The following LITAF variants were observed in gnomAD, a reference collection of about 807,000 sequenced individuals.
LITAF encodes lipopolysaccharide-induced tumor necrosis factor-alpha factor.
A neutral mutation model predicts 14.5 loss-of-function variants in LITAF; 9 were observed. The observed-to-expected ratio is 0.62, with a 90% CI of 0.37 to 1.08. LITAF has a LOEUF of 1.08. Ranked by LOEUF, LITAF falls within the 50% of genes least tolerant of loss-of-function variation. LITAF has a pLI of 0.01. For synonymous variants in LITAF, 98 were observed against 88.2 expected (o/e 1.11, Z -0.62); for missense variants, 206 against 213.4 (o/e 0.97, Z 0.22).
Position 11,573,377 on chromosome 16 carries a change from C to T in LITAF, c.-6+13509G>A, listed in dbSNP as rs190154785. 8.5e-5 allele frequency among the ~76,000 whole-genome samples: 13 copies of T among 152,274 alleles called. No homozygotes were observed. The East Asian group carries it at 9.6e-4, about 11-fold the overall frequency. On this transcript the variant is annotated intron_variant, in intron 1 of 3. Transcript: ENST00000622633. ...TAAACTGAGGCTCCTGCAACAGAAACGGCCAACCAAATTTAACATGAACAA... is the reference window on the plus strand; with the variant it reads ...TAAACTGAGGCTCCTGCAACAGAAATGGCCAACCAAATTTAACATGAACAA...
In LITAF at chr16:11,603,982, G is replaced by A. The variant is rs567843103; in HGVS notation, c.85+29551C>T. On this transcript the variant is annotated intron_variant, in intron 3 of 3. Coordinates refer to the LITAF transcript ENST00000574848. ...GAATGGCATGAACCTGGGAGGCGGA[G>A]CTTTCAGTGAGCCAAGATCACGCCA... Among the ~76,000 whole-genome samples the A allele has an allele frequency of 2.6e-5, 4 of 152,206 alleles. No individual in the cohort carries two copies. The South Asian group carries it at 8.3e-4, about 32-fold the overall frequency.
chr16:11,622,135 T>G (rs2065054566), intron 3 of LITAF, among the ~76,000 whole-genome samples: 1 of 152,168 alleles, frequency 6.6e-6, no homozygotes, highest in South Asian at 2.1e-4. Context: ...AGAGTGTGTT[T>G]GGGGGACCCG....
upstream of LITAF, chr16:11,598,527 G>C (rs879488851): frequency 6.6e-6 from 1 of 152,280 alleles, no homozygotes; most frequent in Non-Finnish European, 1.5e-5. Flanking sequence ...GCGCAGGTAG[G>C]GAGTCGTGCC....
intron 3 of LITAF, among the ~76,000 whole-genome samples, chr16:11,613,171 C>G (rs1338121996): frequency 8.5e-5 from 13 of 152,136 alleles, no homozygotes; most frequent in Non-Finnish European, 1.3e-4. Flanking sequence ...TCCCGAGTAG[C>G]TGGGACTACA....
chr16:11,637,900 ATATATATATATATC>A (rs1387835105), upstream of LITAF, among the ~76,000 whole-genome samples: 1,089 of 59,004 alleles, frequency 0.018, 402 homozygotes, highest in African/African-American at 0.15. Flanking sequence ...AAAAAAAACT[ATATATATATATATC>A]TATATCTATA....
chr16:11,601,732 G>A (rs1035895416), upstream of LITAF, among the ~76,000 whole-genome samples: 1 of 152,060 alleles, frequency 6.6e-6, no homozygotes, highest in Admixed American at 6.6e-5. Context: ...GCTAATTTTT[G>A]CATTTTTTGT....
chr16:11,620,454 C>G (rs2141892859), intron 3 of LITAF, among the ~76,000 whole-genome samples: 1 of 152,250 alleles, frequency 6.6e-6, no homozygotes, highest in African/African-American at 2.4e-5. Flanking sequence ...TGAGGCCTCC[C>G]CAGAAGCTGA....
At chr16:11,631,609 C>T (rs190352480) in intron 3 of LITAF, among the ~76,000 whole-genome samples, 56 of 152,310 alleles carry the variant, frequency 3.7e-4, no homozygotes, top group Non-Finnish European at 6.3e-4. Flanking sequence ...AGTCTGGTCG[C>T]GAATTCCTGG....
At chr16:11,639,680 GA>G (rs1367561264), upstream of LITAF, among the ~76,000 whole-genome samples, 6 of 144,578 alleles carry the variant, frequency 4.2e-5, no homozygotes, top group East Asian at 8.1e-4. Context: ...TCTGGGCAAA[GA>G]AAAAAGATTC....
Position 11,553,744 on chromosome 16 carries a change from A to G in LITAF, c.221-55T>C. On this transcript the variant is annotated intron_variant, in intron 2 of 3. Coordinates refer to ENST00000622633, the MANE Select transcript of LITAF (RefSeq NM_001136472.2). This position sits in a 1 kb window ranked among gnomAD's most constrained non-coding sequence, Gnocchi z 7.7. ...TTGCTCAGGAAACAAGGCCAATAGC[A>G]TTCACTACAGGACAAAGAGAGGAAC... is the stretch of plus-strand genomic sequence containing the variant. 1.3e-6 allele frequency: 2 copies of G among 1,594,756 alleles called. No individual in the cohort carries two copies. Among genetic ancestry groups the G allele is most frequent in the Non-Finnish European group, 1.7e-6 (2 of 1,163,528 alleles).
intron 1 of LITAF, among the ~76,000 whole-genome samples, chr16:11,582,960 C>T (rs1160237328): frequency 1.3e-5 from 2 of 152,142 alleles, no homozygotes; most frequent in Non-Finnish European, 2.9e-5. Context: ...GGAATTTAAC[C>T]TGTCTATCAT....
chr16:11,593,340 G>C (rs58928207), intron 1 of LITAF, among the ~76,000 whole-genome samples: 1 of 129,646 alleles, frequency 7.7e-6, no homozygotes, highest in South Asian at 2.5e-4. Context: ...TGGGAGACAA[G>C]CGAAACTCTG....
upstream of LITAF, among the ~76,000 whole-genome samples, chr16:11,589,588 G>A (rs1408202511): frequency 6.6e-6 from 1 of 150,820 alleles, no homozygotes; most frequent in Non-Finnish European, 1.5e-5. Context: ...CAAAGTTGTG[G>A]GATTTAAGAT....
At chr16:11,577,003 C>T (rs112974005) in intron 1 of LITAF, among the ~76,000 whole-genome samples, 5 of 152,186 alleles carry the variant, frequency 3.3e-5, no homozygotes, top group South Asian at 2.1e-4. Flanking sequence ...GCCTGTCAAG[C>T]GCTTTTCATG....
chr16:11,587,422 C>G (rs1377805057), upstream of LITAF: 1 of 453,930 alleles, frequency 2.2e-6, no homozygotes, highest in Non-Finnish European at 4.4e-6. Flanking sequence ...CGCGTCCGGA[C>G]AGACCAAGAC....
chr16:11,604,306 A>T (rs1247058654), intron 3 of LITAF, among the ~76,000 whole-genome samples: 7 of 152,214 alleles, frequency 4.6e-5, no homozygotes. Flanking sequence ...GAAATTCCTG[A>T]GAGCTGACCT....
rs2064127716 is a variant in LITAF, at chr16:11,547,803, T to C, written c.*1834A>G. The stretch of plus-strand genomic sequence containing the variant: ...CGCCTATTGGGTTCCAATAGCCTCA[T>C]GTTCAAATCTGACTCGTTAGCAAAT... On this transcript the variant is annotated 3_prime_UTR_variant, in exon 4 of 4. Coordinates refer to ENST00000622633, the MANE Select transcript of LITAF (RefSeq NM_001136472.2). 1 of 454,030 alleles carries C rather than the reference T, an allele frequency of 2.2e-6. No homozygotes were observed. The highest frequency in any genetic ancestry group is 2.4e-5 in the Admixed American group (1 of 42,552). The allele number at this position is 454,030 out of a possible 1,614,324, so 28.1% of individuals were successfully genotyped here. A position where few individuals can be genotyped will look rare whatever the true frequency, so the allele number is the denominator to read the frequency against.
chr16:11,638,793 T>C (rs1048393082), upstream of LITAF, among the ~76,000 whole-genome samples: 6 of 150,648 alleles, frequency 4.0e-5, no homozygotes, highest in East Asian at 1.2e-3. Context: ...ATTCTCATGT[T>C]AATATTAGTA....
At chr16:11,574,865 T>C (rs2064605601) in intron 1 of LITAF, among the ~76,000 whole-genome samples, 2 of 116,486 alleles carry the variant, frequency 1.7e-5, no homozygotes, top group Admixed American at 8.3e-5. Context: ...TGCAGTGGCG[T>C]GACCTTGGCT....
Sources: gnomAD v4.1 joint callset for allele counts (sites outside exome capture counted in the v4.1 genomes callset) on GRCh38, gnomAD v4.1.1 for gene constraint, Gnocchi (gnomAD v3.1) non-coding constraint, MANE v1.5 for transcripts, NCBI Gene and HGNC (gene_info 2026-07-23, HGNC 2026-07-21) for gene names.